Variants in PUDP observed in about 807,000 individuals in gnomAD.
The protein encoded by PUDP is pseudouridine 5'-phosphatase, also known as pseudouridine-5'-phosphatase.
Under a neutral mutation model 9.4 loss-of-function variants are expected in PUDP, and 8 were observed. The observed-to-expected ratio is 0.85, with a 90% CI of 0.50 to 1.53. PUDP has a LOEUF of 1.53. Ranked by LOEUF, PUDP falls within the 40% of genes most tolerant of loss-of-function variation. The pLI, the probability that PUDP is intolerant of heterozygous loss-of-function variation, is 0.00. For synonymous variants in PUDP, 99 were observed against 80.7 expected (o/e 1.23, Z -1.22); for missense variants, 188 against 189.7 (o/e 0.99, Z 0.05).
At position 6,916,243 on chromosome X, in the gene PUDP, CA is replaced by C. The variant is rs1569122795; in HGVS notation, c.*247+60889del. ...ACACACACACACACACACACACACA[CA>C]CACACCCTGGGGAACTGGTAAATTT... On this transcript the variant is annotated intron_variant and NMD_transcript_variant, in intron 3 of 3. Transcript: ENST00000655425. 9.3e-3 allele frequency among the ~76,000 whole-genome samples: 775 copies of C among 83,539 alleles called. 17 individuals carry two copies. The highest frequency in any genetic ancestry group is 0.038 in the African/African-American group (718 of 18,855). The allele number at this position is 83,539 out of a possible 115,157, so 72.5% of individuals were successfully genotyped here.
At chrX:6,951,142 A>G (rs749283591) in intron 3 of PUDP, among the ~76,000 whole-genome samples, 1 of 111,409 alleles carries the variant, frequency 9.0e-6, no homozygotes, top group Admixed American at 9.5e-5. Flanking sequence ...ATGAATCTCT[A>G]TCTAAATATA....
At chrX:6,887,841 T>C (rs1927452406) in intron 3 of PUDP, among the ~76,000 whole-genome samples, 2 of 111,692 alleles carry the variant, frequency 1.8e-5, no homozygotes, top group Admixed American at 9.5e-5. Flanking sequence ...ATTTGAGAAC[T>C]GCAATATGGT....
intron 1 of PUDP, among the ~76,000 whole-genome samples, chrX:7,109,785 G>A (rs1169899074): frequency 8.9e-6 from 1 of 112,667 alleles, no homozygotes; most frequent in Non-Finnish European, 1.9e-5. Context: ...TAAAATAAAG[G>A]AGCATAAAAC....
intron 2 of PUDP, among the ~76,000 whole-genome samples, chrX:7,080,793 G>A (rs895378813): frequency 9.1e-6 from 1 of 109,902 alleles, no homozygotes; most frequent in Non-Finnish European, 1.9e-5. Context: ...GTGGCAGTGC[G>A]TCCTGTAACC....
rs770074122 is a variant in PUDP, at chrX:6,876,637, T to TTA, written c.*247+100494_*247+100495dup. Among the ~76,000 whole-genome samples, 48 of 64,535 alleles carry TTA rather than the reference T, an allele frequency of 7.4e-4. No homozygotes were observed. The South Asian group carries it at 0.014, about 18-fold the overall frequency. The allele number at this position is 64,535 out of a possible 115,157, so 56.0% of individuals were successfully genotyped here. A position where few individuals can be genotyped will look rare whatever the true frequency, so the allele number is the denominator to read the frequency against. The stretch of plus-strand genomic sequence containing the variant: ...AGAACAAGACCCTGCACCTAAAATG[T>TTA]TATGTGTGTGTGTGTGTGTGTGTGT... On this transcript the variant is annotated intron_variant and NMD_transcript_variant, in intron 3 of 3. Coordinates refer to the PUDP transcript ENST00000655425.
rs192001120 is a variant in PUDP at position 6,873,480 on chromosome X, C to T, written c.*247+103653G>A. Among the ~76,000 whole-genome samples the T allele has an allele frequency of 8.0e-5, 9 of 111,926 alleles. No individual in the cohort carries two copies. In the East Asian group the frequency reaches 1.1e-3, roughly 14 times the overall value. On this transcript the variant is annotated intron_variant and NMD_transcript_variant, in intron 3 of 3. Coordinates refer to the PUDP transcript ENST00000655425. ...CACTGAGTAGTTCGCCCTGAAACCA[C>T]GAACAGGATTTCATTGACTAAATCT...
At chrX:6,824,375 T>C (rs920780979) in intron 3 of PUDP, among the ~76,000 whole-genome samples, 4 of 111,939 alleles carry the variant, frequency 3.6e-5, no homozygotes, top group Admixed American at 9.4e-5. Flanking sequence ...GTTTCGGGTA[T>C]GTCTGTATTA....
intron 3 of PUDP, among the ~76,000 whole-genome samples, chrX:6,879,765 G>T (rs1927317721): frequency 9.0e-6 from 1 of 111,395 alleles, no homozygotes; most frequent in African/African-American, 3.3e-5. Flanking sequence ...AGCTGCCCCG[G>T]GTAGATGGGG....
intron 3 of PUDP, among the ~76,000 whole-genome samples, chrX:6,898,223 C>G (rs1183040957): frequency 8.9e-6 from 1 of 112,578 alleles, no homozygotes; most frequent in Non-Finnish European, 1.9e-5. Flanking sequence ...TCTGAGCATC[C>G]TCAGCTCCCC....
intron 3 of PUDP, among the ~76,000 whole-genome samples, chrX:6,771,656 G>A (rs1925365743): frequency 8.9e-6 from 1 of 112,267 alleles, no homozygotes; most frequent in Non-Finnish European, 1.9e-5. Flanking sequence ...AGATGGATCT[G>A]ATATTGTTCT....
At chrX:6,941,160 A>T (rs1316051173) in intron 3 of PUDP, among the ~76,000 whole-genome samples, 1 of 110,714 alleles carries the variant, frequency 9.0e-6, no homozygotes, top group Non-Finnish European at 1.9e-5. Flanking sequence ...TTGATTGTGT[A>T]TCTACTATGT....
chrX:7,068,937 AG>A (rs1397204261), intron 3 of PUDP, among the ~76,000 whole-genome samples: 1 of 111,871 alleles, frequency 8.9e-6, no homozygotes, highest in East Asian at 2.8e-4. Flanking sequence ...CACTGGGCCC[AG>A]GACTCTACCC....
intron 2 of PUDP, among the ~76,000 whole-genome samples, chrX:7,087,251 G>A (rs1931291125): frequency 8.9e-6 from 1 of 111,784 alleles, no homozygotes; most frequent in Non-Finnish European, 1.9e-5. Flanking sequence ...AAGACACACA[G>A]GACGAGGGAG....
chrX:7,110,022 T>C lies in PUDP; in HGVS notation c.62-4184A>G, dbSNP rs557954302. ...TGTGTGGCATGTTGAGAGCAGCTTC[T>C]GTAGTAGCTGCAAGGGCAGCATGGG... On this transcript the variant is annotated intron_variant, in intron 1 of 3. Transcript: ENST00000381077. 1.1e-4 allele frequency among the ~76,000 whole-genome samples: 12 copies of C among 112,429 alleles called. No individual in the cohort carries two copies. The South Asian group carries it at 4.5e-3, about 42-fold the overall frequency.
chrX:6,960,549 C>T (rs67778305), intron 3 of PUDP, among the ~76,000 whole-genome samples: 37,955 of 110,883 alleles, frequency 0.34, 4,967 homozygotes, highest in Non-Finnish European at 0.41. Flanking sequence ...TCCAGAATTG[C>T]GAGCCAATAC....
At chrX:7,025,021 G>A (rs1440805632) in intron 1 of PUDP, among the ~76,000 whole-genome samples, 1 of 111,119 alleles carries the variant, frequency 9.0e-6, no homozygotes, top group Non-Finnish European at 1.9e-5. Context: ...TCTTAGCAAC[G>A]CCTCAGAGGT....
At position 7,000,458 on chromosome X, in the gene PUDP, G is replaced by A. The variant is rs1929310034; in HGVS notation, c.205-22115C>T. 5.4e-5 allele frequency among the ~76,000 whole-genome samples: 6 copies of A among 110,511 alleles called. No homozygotes were observed. The Admixed American group carries it at 5.8e-4, about 11-fold the overall frequency. On this transcript the variant is annotated intron_variant and NMD_transcript_variant, in intron 1 of 3. Coordinates refer to the PUDP transcript ENST00000655425. The stretch of plus-strand genomic sequence containing the variant: ...TACCAAACCAATGTAACTCCTCCAA[G>A]GAGTGAAAAAATAAGAAATTTACCC...
intron 3 of PUDP, among the ~76,000 whole-genome samples, chrX:6,756,041 G>T (rs920186384): frequency 9.0e-6 from 1 of 111,020 alleles, no homozygotes; most frequent in Admixed American, 9.7e-5. Flanking sequence ...AGTGGATTTG[G>T]CAACATGGAG....
At chrX:6,768,591 A>G (rs745507644) in intron 3 of PUDP, among the ~76,000 whole-genome samples, 2 of 111,988 alleles carry the variant, frequency 1.8e-5, no homozygotes, top group Non-Finnish European at 3.8e-5. Context: ...TTTAGATATT[A>G]AAAATTGCAA....
Sources: allele counts gnomAD v4.1 joint callset (sites outside exome capture counted in the v4.1 genomes callset), GRCh38; gene constraint gnomAD v4.1.1; transcripts MANE v1.5; gene names NCBI Gene and HGNC (gene_info 2026-07-23, HGNC 2026-07-21).